The following WDR3 variants were observed in gnomAD, a reference collection of about 807,000 sequenced individuals.
WDR3 encodes the protein WD repeat-containing protein 3.
Under a neutral mutation model 123.7 loss-of-function variants are expected in WDR3, and 81 were observed. That is an observed-to-expected ratio of 0.65 (90% CI 0.55 to 0.79). The LOEUF is 0.79. WDR3 is among the 30% of genes least tolerant of loss of function. The pLI is 0.00. For synonymous variants in WDR3, 390 were observed against 388.8 expected (o/e 1.00, Z -0.04); for missense variants, 1,027 against 1,123.2 (o/e 0.91, Z 1.22).
At chr1:117,933,607 GA>G in intron 2 of WDR3, 117 bp downstream of exon 2, 1 of 1,392,540 alleles carries the variant, frequency 7.2e-7, no homozygotes. Flanking sequence ...TGTGCCCTTA[GA>G]AGAAAAATCT....
intron 1 of WDR3, among the ~76,000 whole-genome samples, chr1:117,932,650 A>T (rs1347190039): frequency 6.6e-6 from 1 of 152,150 alleles, no homozygotes; most frequent in Non-Finnish European, 1.5e-5. Flanking sequence ...TCAGACTGCC[A>T]ATCTCTGTGT....
At chr1:117,945,280 A>G (rs1018184761) in intron 11 of WDR3, among the ~76,000 whole-genome samples, 3 of 151,962 alleles carry the variant, frequency 2.0e-5, no homozygotes, top group African/African-American at 7.3e-5. Flanking sequence ...CCTACCTTAC[A>G]CACCTTATCT....
In WDR3 at chr1:117,938,160, T is replaced by C. The variant is rs572018995; in HGVS notation, c.501-320T>C. Among the ~76,000 whole-genome samples, 33 of 152,278 alleles carry C rather than the reference T, an allele frequency of 2.2e-4. No individual in the cohort carries two copies. In the South Asian group the frequency reaches 6.8e-3, roughly 32 times the overall value. On this transcript the variant is annotated intron_variant, in intron 4 of 26. Transcript: ENST00000349139. ...GGTCTAAGATGTTTCCATGGTAGAC[T>C]GTCTGAGGGGAATGCCAGTGCTGTG...
rs1651694221 is a variant in WDR3 at position 117,952,994 on chromosome 1, G to A, written c.2200G>A (p.Ala734Thr). 6.2e-7 allele frequency: 1 copy of A among 1,613,026 alleles called. No homozygotes were observed. The highest frequency in any genetic ancestry group is 8.5e-7 in the Non-Finnish European group (1 of 1,179,294). The change falls in exon 20 of 27, where the codon GCA becomes ACA. Residue 734 changes from alanine (A) to threonine (T), a missense_variant and splice_region_variant. By Grantham distance (58) the Ala-to-Thr change is moderately conservative (BLOSUM62 0). Transcript: ENST00000349139. ...GAGTGTGGCCAAAGAAGACCAACCA[G>A]CAGTAAGTAAATTTTGGGGACCTTG... ...EESVAKEDQP[A>T]VPGETQGDSY...
At chr1:117,946,738 G>A (rs901534503) in intron 12 of WDR3, among the ~76,000 whole-genome samples, 1 of 151,838 alleles carries the variant, frequency 6.6e-6, no homozygotes, top group South Asian at 2.1e-4. Context: ...TCAGGAGATC[G>A]AGACCATCCT....
intron 17 of WDR3, 98 bp from the exon 18 acceptor site, chr1:117,952,199 C>A: frequency 1.4e-6 from 2 of 1,412,454 alleles, no homozygotes; most frequent in South Asian, 1.3e-5. Context: ...TATAGTCAGA[C>A]ACCCTAGAAC....
Position 117,942,530 on chromosome 1 carries a change from T to C in WDR3, c.1083T>C (p.Thr361=). ...TCCAGCGGGTGACTAATATAAAAAC[T>C]TCTGCCAAAATCAAGTGAGTAAAAA... ...DEIQRVTNIK[T]SAKIKSFDLI... is the part of the protein sequence containing the mutation. Residue 361 remains threonine (T), a synonymous_variant, in exon 10 of 27, where the codon ACT becomes ACC. Transcript: ENST00000349139. The C allele has an allele frequency of 6.2e-7, 1 of 1,613,702 alleles. No homozygotes were observed. Among genetic ancestry groups the C allele is most frequent in the Non-Finnish European group, 8.5e-7 (1 of 1,179,774 alleles).
At chr1:117,943,246 C>T in intron 10 of WDR3, 150 bp from the exon 11 acceptor site, 2 of 696,272 alleles carry the variant, frequency 2.9e-6, no homozygotes, top group Non-Finnish European at 4.7e-6. Flanking sequence ...AGCCACTGCA[C>T]CCAGCCTCAG....
intron 9 of WDR3, 138 bp from the exon 10 acceptor site, chr1:117,942,299 A>G: frequency 1.4e-6 from 1 of 690,554 alleles, no homozygotes; most frequent in Non-Finnish European, 2.6e-6. Flanking sequence ...TTTAATTATC[A>G]TGGTAATCCT....
At position 117,954,562 on chromosome 1, in the gene WDR3, T is replaced by G. The variant is rs747127686; in HGVS notation, c.2362-18T>G. 1.3e-5 allele frequency: 21 copies of G among 1,611,388 alleles called. No individual in the cohort carries two copies. The African/African-American group carries it at 2.8e-4, about 22-fold the overall frequency. Reference sequence around the variant, plus strand: ...GTCTCAGTTTTTTTAATGACTTGATTTAATAATTTCTTCATAGGTTCCACT... The same window carrying G: ...GTCTCAGTTTTTTTAATGACTTGATGTAATAATTTCTTCATAGGTTCCACT... On this transcript the variant is annotated intron_variant, in intron 22 of 26. Coordinates refer to ENST00000349139, the MANE Select transcript of WDR3 (RefSeq NM_006784.3).
Position 117,959,168 on chromosome 1 carries a change from A to G in WDR3, c.2677-124A>G. The G allele has an allele frequency of 2.2e-6, 3 of 1,379,966 alleles. No individual in the cohort carries two copies. In the Admixed American group the frequency reaches 7.2e-5, roughly 33 times the overall value. 85.5% of individuals were successfully genotyped at this position (1,379,966 alleles called of 1,614,324 possible). A position where few individuals can be genotyped will look rare whatever the true frequency, so the allele number is the denominator to read the frequency against. On this transcript the variant is annotated intron_variant, in intron 26 of 26. Coordinates refer to ENST00000349139, the MANE Select transcript of WDR3 (RefSeq NM_006784.3). ...TAGGAATAGAAAAAACAAACAAGAA[A>G]AGTTCTTAATGAGGGAAAGATAAGT...
At chr1:117,939,605 T>G in intron 6 of WDR3, 33 bp downstream of exon 6, 3 of 1,603,640 alleles carry the variant, frequency 1.9e-6, no homozygotes, top group African/African-American at 2.7e-5. Flanking sequence ...GGCAATATGT[T>G]TAGAAGTTTC....
At chr1:117,949,702 A>G (rs1348540673) in intron 13 of WDR3, 49 bp from the exon 14 acceptor site, 1 of 1,586,612 alleles carries the variant, frequency 6.3e-7, no homozygotes, top group Non-Finnish European at 8.6e-7. Flanking sequence ...TTCATAGCAA[A>G]GTTTTTATGC....
intron 21 of WDR3, 46 bp from the exon 22 acceptor site, chr1:117,953,961 G>A (rs752914835): frequency 1.3e-6 from 2 of 1,506,932 alleles, no homozygotes; most frequent in East Asian, 2.3e-5. Context: ...GTCCTGGGAT[G>A]ATGGAGTATG....
Position 117,941,733 on chromosome 1 carries a change from A to AGTT in WDR3, c.892-17_892-16insGTT. On this transcript the variant is annotated splice_polypyrimidine_tract_variant and intron_variant, in intron 8 of 26. Transcript: ENST00000349139. ...AATTACCTCTCCTTGACTCACATTAACCTTTTGCCTTTCTAGGGAACTGAC... is the reference window on the plus strand; with the variant it reads ...AATTACCTCTCCTTGACTCACATTAAGTTCCTTTTGCCTTTCTAGGGAACTGAC... 1 of 1,603,886 alleles carries AGTT rather than the reference A, an allele frequency of 6.2e-7. No homozygotes were observed.
chr1:117,961,201 T>G lies in WDR3; in HGVS notation c.*1754T>G, dbSNP rs1653044773. On this transcript the variant is annotated 3_prime_UTR_variant, in exon 27 of 27. Coordinates refer to ENST00000349139, the MANE Select transcript of WDR3 (RefSeq NM_006784.3). ...AGGAGGCTGAGACAGGAGAATCACT[T>G]GAACCCGGCAGGCGGAGATTGCAGT... 1 of 152,214 alleles carries G rather than the reference T, an allele frequency of 6.6e-6. No individual in the cohort carries two copies. Among genetic ancestry groups the G allele is most frequent in the Non-Finnish European group, 1.5e-5 (1 of 68,058 alleles). 9.4% of individuals were successfully genotyped at this position (152,214 alleles called of 1,614,324 possible). A position where few individuals can be genotyped will look rare whatever the true frequency, so the allele number is the denominator to read the frequency against.
intron 20 of WDR3, among the ~76,000 whole-genome samples, 162 bp from the exon 21 acceptor site, chr1:117,953,314 T>C (rs1302238485): frequency 6.6e-6 from 1 of 152,188 alleles, no homozygotes; most frequent in Non-Finnish European, 1.5e-5. Flanking sequence ...AGGATGTTCT[T>C]ACAATAATAC....
chr1:117,933,596 C>T (rs769879885), intron 2 of WDR3, 106 bp downstream of exon 2: 5 of 1,457,214 alleles, frequency 3.4e-6, no homozygotes, highest in African/African-American at 1.5e-5. Flanking sequence ...TTTTTTGTGT[C>T]TGTGCCCTTA....
rs1351481129 is a variant in WDR3, at chr1:117,950,084, C to G, written c.1700C>G (p.Ser567Cys). The G allele has an allele frequency of 6.2e-7, 1 of 1,613,748 alleles. No homozygotes were observed. Among genetic ancestry groups the G allele is most frequent in the Admixed American group, 1.7e-5 (1 of 59,954 alleles). ...CCCAATCAAAAGCTATTGGCTGTGT[C>G]TTTGCTGGACTGTACTGTGAAAATT... is the stretch of plus-strand genomic sequence containing the variant. ...YSPNQKLLAV[S>C]LLDCTVKIFY... Residue 567 changes from serine to cysteine, a missense_variant, in exon 15 of 27, where the codon TCT becomes TGT. Physicochemically the swap from Ser to Cys is moderately radical, Grantham distance 112 (BLOSUM62 -1). Transcript: ENST00000349139.
Sources: allele counts gnomAD v4.1 joint callset (sites outside exome capture counted in the v4.1 genomes callset), GRCh38; gene constraint gnomAD v4.1.1; transcripts MANE v1.5; gene names NCBI Gene and HGNC (gene_info 2026-07-23, HGNC 2026-07-21).